The following AKAP13 variants were observed in gnomAD, a reference collection of about 807,000 sequenced individuals.
AKAP13 encodes A-kinase anchoring protein 13.
In AKAP13, 80 loss-of-function variants were observed where a neutral mutation model predicts 264.5. The ratio of observed to expected loss-of-function variants is 0.30; its 90% CI spans 0.25 to 0.36. The LOEUF is 0.36. Ranked by LOEUF, AKAP13 falls within the 10% of genes least tolerant of loss-of-function variation. The pLI is 1.00. For missense variants in AKAP13, 3,712 were observed against 3,435.2 expected, an observed-to-expected ratio of 1.08 and a Z score of -2.01; for synonymous variants, 1,380 against 1,250.2, an observed-to-expected ratio of 1.10 and a Z score of -2.19.
At chr15:85,730,479 A>G (rs1480025047) in intron 29 of AKAP13, 34 bp from the exon 30 acceptor site, 5 of 1,604,560 alleles carry the variant, frequency 3.1e-6, no homozygotes, top group Non-Finnish European at 4.3e-6. Context: ...ACTAAACACC[A>G]ATCAAATCAC....
At chr15:85,742,807 C>T (rs754302776) in intron 35 of AKAP13, among the ~76,000 whole-genome samples, 1 of 151,976 alleles carries the variant, frequency 6.6e-6, no homozygotes, top group Non-Finnish European at 1.5e-5. Flanking sequence ...TCTTGGACCA[C>T]GAAAGAAAAT....
intron 17 of AKAP13, among the ~76,000 whole-genome samples, chr15:85,693,913 G>C (rs928778604): frequency 6.6e-6 from 1 of 152,218 alleles, no homozygotes; most frequent in Non-Finnish European, 1.5e-5. Context: ...GCTAAACTAT[G>C]ATGTCCAGAA....
chr15:85,550,635 C>T (rs1467656077), intron 5 of AKAP13, among the ~76,000 whole-genome samples: 3 of 152,150 alleles, frequency 2.0e-5, no homozygotes, highest in Non-Finnish European at 4.4e-5. Context: ...CTCAGTAGCC[C>T]ATCTGGTGCA....
chr15:85,431,774 T>A (rs915819748), intron 1 of AKAP13, among the ~76,000 whole-genome samples: 2 of 152,222 alleles, frequency 1.3e-5, no homozygotes, highest in African/African-American at 4.8e-5. Context: ...TATTCTTGCT[T>A]GTAGGCAATA....
intron 25 of AKAP13, 51 bp from the exon 26 acceptor site, chr15:85,723,021 G>T (rs369478516): frequency 1.3e-6 from 2 of 1,591,406 alleles, no homozygotes; most frequent in African/African-American, 2.7e-5. Context: ...CCTTGCTTCT[G>T]CCCTTGTCCA....
chr15:85,495,363 C>G lies in AKAP13; in HGVS notation c.33+9610C>G, dbSNP rs1483793338. Among the ~76,000 whole-genome samples, 4 of 152,242 alleles carry G rather than the reference C, an allele frequency of 2.6e-5. No individual in the cohort carries two copies. In the South Asian group the frequency reaches 8.3e-4, roughly 32 times the overall value. On this transcript the variant is annotated intron_variant, in intron 2 of 36. Coordinates refer to ENST00000394518, the MANE Select transcript of AKAP13 (RefSeq NM_007200.5). ...TGTAACTCCAGAGTGGCTGGCTCTA[C>G]AGAACACTGACTCAGATGGCTTGTA... is the stretch of plus-strand genomic sequence containing the variant.
intron 1 of AKAP13, among the ~76,000 whole-genome samples, chr15:85,485,428 TCCTG>T (rs1050462672): frequency 5.9e-5 from 9 of 152,240 alleles, no homozygotes; most frequent in African/African-American, 2.2e-4. Flanking sequence ...GTTTTAAATA[TCCTG>T]TTGGTTGTTG....
chr15:85,606,692 T>C (rs895258782), intron 8 of AKAP13, among the ~76,000 whole-genome samples: 3 of 152,186 alleles, frequency 2.0e-5, no homozygotes, highest in Non-Finnish European at 2.9e-5. Flanking sequence ...TTAAAGACTT[T>C]TCCGGTTTTG....
intron 9 of AKAP13, among the ~76,000 whole-genome samples, chr15:85,641,708 A>C (rs554509410): frequency 1.3e-5 from 2 of 151,804 alleles, no homozygotes; most frequent in African/African-American, 4.8e-5. Context: ...GGATGGTCTC[A>C]ATCTCCTGAC....
chr15:85,625,053 A>G (rs1421488562), intron 8 of AKAP13, among the ~76,000 whole-genome samples: 3 of 152,224 alleles, frequency 2.0e-5, no homozygotes, highest in African/African-American at 7.2e-5. Context: ...ACCAATGACT[A>G]TGTTTTGTAG....
intron 5 of AKAP13, among the ~76,000 whole-genome samples, chr15:85,550,048 C>G (rs896551318): frequency 6.6e-6 from 1 of 152,156 alleles, no homozygotes; most frequent in African/African-American, 2.4e-5. Flanking sequence ...TCCCGAGTAT[C>G]TGGGATTACA....
intron 1 of AKAP13, among the ~76,000 whole-genome samples, chr15:85,381,310 C>G (rs1402254346): frequency 6.6e-6 from 1 of 151,824 alleles, no homozygotes; most frequent in African/African-American, 2.4e-5. Context: ...GGACGGTAAA[C>G]ACGTCGGGCC....
chr15:85,552,528 A>G (rs370961506), intron 5 of AKAP13, among the ~76,000 whole-genome samples: 1 of 152,198 alleles, frequency 6.6e-6, no homozygotes, highest in Admixed American at 6.5e-5. Context: ...TGTTTTATTA[A>G]TGAAAACAAA....
intron 1 of AKAP13, chr15:85,481,145 A>G (rs1483318724): frequency 6.6e-6 from 1 of 152,116 alleles, no homozygotes; most frequent in Non-Finnish European, 1.5e-5. Flanking sequence ...ACACAGCCAT[A>G]TAACTTCATG....
intron 1 of AKAP13, among the ~76,000 whole-genome samples, chr15:85,437,168 A>G (rs1266991833): frequency 6.8e-6 from 1 of 148,042 alleles, no homozygotes; most frequent in Admixed American, 6.7e-5. Context: ...AATACAAACT[A>G]CCATCAGAGA....
chr15:85,733,132 A>G (rs1266836920), intron 30 of AKAP13, among the ~76,000 whole-genome samples: 1 of 152,232 alleles, frequency 6.6e-6, no homozygotes, highest in Non-Finnish European at 1.5e-5. Flanking sequence ...ATTCTCTAGC[A>G]TGTGCCTCAG....
At chr15:85,470,228 G>A (rs1444824272) in intron 1 of AKAP13, among the ~76,000 whole-genome samples, 1 of 152,220 alleles carries the variant, frequency 6.6e-6, no homozygotes, top group Non-Finnish European at 1.5e-5. Flanking sequence ...GGCGGAGGTT[G>A]TAGTGAGCCG....
At chr15:85,502,692 T>G (rs1281651405) in intron 2 of AKAP13, among the ~76,000 whole-genome samples, 1 of 152,190 alleles carries the variant, frequency 6.6e-6, no homozygotes, top group Non-Finnish European at 1.5e-5. Flanking sequence ...ACTTTTGTGG[T>G]TAAGTACTGT....
intron 17 of AKAP13, among the ~76,000 whole-genome samples, chr15:85,701,608 T>C (rs760254067): frequency 3.3e-4 from 50 of 151,478 alleles, no homozygotes; most frequent in Non-Finnish European, 6.5e-4. Context: ...CCTGGCTAAT[T>C]TTTTTTTGTA....
Sources: allele counts gnomAD v4.1 joint callset (sites outside exome capture counted in the v4.1 genomes callset), GRCh38; gene constraint gnomAD v4.1.1; transcripts MANE v1.5; gene names NCBI Gene and HGNC (gene_info 2026-07-23, HGNC 2026-07-21).